EDARADD: variants seen among roughly 807,000 people sequenced by gnomAD.
EDARADD encodes the protein EDAR associated via death domain.
A neutral mutation model predicts 25.6 loss-of-function variants in EDARADD; 20 were observed. The ratio of observed to expected loss-of-function variants is 0.78; its 90% CI spans 0.55 to 1.14. EDARADD has a LOEUF of 1.14. Ranked by LOEUF, EDARADD falls within the 50% of genes most tolerant of loss-of-function variation. EDARADD has a pLI of 0.00. For missense variants in EDARADD, 225 were observed against 270.1 expected (o/e 0.83, Z 1.17); for synonymous variants, 86 against 94.4 (o/e 0.91, Z 0.52).
chr1:236,351,579 G>A (rs1300956137), intron 3 of EDARADD, among the ~76,000 whole-genome samples: 18 of 151,650 alleles, frequency 1.2e-4, no homozygotes, highest in Admixed American at 5.9e-4. Context: ...GCGTGGTGGC[G>A]CATGCCTGTA....
In EDARADD at chr1:236,482,395, T is replaced by G; in HGVS notation, c.394T>G (p.Cys132Gly). Residue 132 changes from cysteine (C) to glycine (G), a missense_variant, in exon 6 of 6, where the codon TGT (cysteine) becomes GGT (glycine). By Grantham distance (159) the Cys-to-Gly change is radical (BLOSUM62 -3). Coordinates refer to ENST00000334232, the MANE Select transcript of EDARADD (RefSeq NM_145861.4). ...LDVIRIKLDPCHPTVKNWRNF... is the reference protein window; with the variant it reads ...LDVIRIKLDPGHPTVKNWRNF... ...CGTGATCAGGATAAAGCTGGATCCG[T>G]GTCACCCAACGGTGAAAAACTGGAG... 6.2e-7 allele frequency: 1 copy of G among 1,614,160 alleles called. No homozygotes were observed. Among genetic ancestry groups the G allele is most frequent in the Admixed American group, 1.7e-5 (1 of 60,016 alleles).
chr1:236,446,117 C>T (rs1004012783), intron 4 of EDARADD, among the ~76,000 whole-genome samples: 9 of 152,162 alleles, frequency 5.9e-5, no homozygotes, highest in Non-Finnish European at 8.8e-5. Context: ...AAGAGAAGAG[C>T]GGGCCATCTT....
intron 4 of EDARADD, among the ~76,000 whole-genome samples, chr1:236,452,976 G>A (rs920105707): frequency 4.6e-5 from 7 of 152,118 alleles, no homozygotes; most frequent in East Asian, 1.9e-4. Flanking sequence ...ATGCTGCTTC[G>A]GTGAATGTCA....
Position 236,484,249 on chromosome 1 carries a change from C to A in EDARADD, c.*1600C>A. On this transcript the variant is annotated 3_prime_UTR_variant, in exon 6 of 6. Coordinates refer to ENST00000334232, the MANE Select transcript of EDARADD (RefSeq NM_145861.4). This position sits in a 1 kb window ranked among gnomAD's most constrained non-coding sequence, Gnocchi z 4.1. ...CTTCAGGCGTGCAAGCTGGCCCAGG[C>A]CAATGGTTGGTGTGTCATGGTGCCT... The A allele has an allele frequency of 2.1e-6, 2 of 973,518 alleles. No individual in the cohort carries two copies. Among genetic ancestry groups the A allele is most frequent in the Non-Finnish European group, 3.4e-6 (2 of 596,842 alleles). 60.3% of individuals were successfully genotyped at this position (973,518 alleles called of 1,614,324 possible).
chr1:236,459,560 G>A (rs1304434571), intron 4 of EDARADD, among the ~76,000 whole-genome samples: 3 of 150,974 alleles, frequency 2.0e-5, no homozygotes, highest in Non-Finnish European at 2.9e-5. Flanking sequence ...GCTGTAATCC[G>A]AGCAAAGCAC....
chr1:236,362,498 G>A (rs1192807538), intron 3 of EDARADD, among the ~76,000 whole-genome samples: 1 of 152,108 alleles, frequency 6.6e-6, no homozygotes, highest in South Asian at 2.1e-4. Context: ...CTTGTGGCTT[G>A]TCTTTCTGTT....
At chr1:236,390,327 G>A (rs145810300), upstream of EDARADD, among the ~76,000 whole-genome samples, 9,171 of 152,200 alleles carry the variant, frequency 0.06, 479 homozygotes, top group African/African-American at 0.14. Context: ...AGGCCGAGGC[G>A]GGCGGATCAC....
intron 4 of EDARADD, among the ~76,000 whole-genome samples, chr1:236,455,855 T>A (rs1054214308): frequency 6.6e-6 from 1 of 152,216 alleles, no homozygotes; most frequent in African/African-American, 2.4e-5. Flanking sequence ...AGTTGCGCGA[T>A]CTTTGCTCAC....
chr1:236,483,817 T>C lies in EDARADD; in HGVS notation c.*1168T>C, dbSNP rs1659753932. 1 of 1,437,942 alleles carries C rather than the reference T, an allele frequency of 7.0e-7. No individual in the cohort carries two copies. Among genetic ancestry groups the C allele is most frequent in the Admixed American group, 1.7e-5 (1 of 59,552 alleles). The allele number at this position is 1,437,942 out of a possible 1,614,324, so 89.1% of individuals were successfully genotyped here. ...GGAGGCGCGTTTGCTCCCAACATCCTGGAGAATAAAGAAGGCCTGGAGCTG... is the reference window on the plus strand; with the variant it reads ...GGAGGCGCGTTTGCTCCCAACATCCCGGAGAATAAAGAAGGCCTGGAGCTG... On this transcript the variant is annotated 3_prime_UTR_variant, in exon 6 of 6. Transcript: ENST00000334232.
At position 236,363,006 on chromosome 1, in the gene EDARADD, A is replaced by AAAAAAAAAAAAAT. The variant is rs1377112051; in HGVS notation, c.-6+12168_-6+12169insAAAAAAAAAAATA. On this transcript the variant is annotated intron_variant, in intron 3 of 7. Coordinates refer to the EDARADD transcript ENST00000439430. ...TTTTAAGAAAAAAAAAAAAAAAAAA[A>AAAAAAAAAAAAAT]ATATATATATATATATATATATATA... 1.9e-4 allele frequency among the ~76,000 whole-genome samples: 8 copies of AAAAAAAAAAAAAT among 42,950 alleles called. 1 individual carries two copies. Among genetic ancestry groups the AAAAAAAAAAAAAT allele is most frequent in the African/African-American group, 7.7e-4 (7 of 9,036 alleles). 28.2% of individuals were successfully genotyped at this position (42,950 alleles called of 152,430 possible). A position where few individuals can be genotyped will look rare whatever the true frequency, so the allele number is the denominator to read the frequency against.
chr1:236,447,221 T>TTTCTTTC (rs1558127469), intron 4 of EDARADD, among the ~76,000 whole-genome samples: 3 of 36,812 alleles, frequency 8.1e-5, no homozygotes, highest in African/African-American at 1.5e-4. Context: ...TCTTTCTTTC[T>TTTCTTTC]TTCCTTTCTT....
chr1:236,483,938 C>A lies in EDARADD; in HGVS notation c.*1289C>A. The A allele has an allele frequency of 1.5e-6, 2 of 1,371,922 alleles. No homozygotes were observed. The highest frequency in any genetic ancestry group is 1.7e-5 in the Admixed American group (1 of 59,458). 85.0% of individuals were successfully genotyped at this position (1,371,922 alleles called of 1,614,324 possible). A position where few individuals can be genotyped will look rare whatever the true frequency, so the allele number is the denominator to read the frequency against. On this transcript the variant is annotated 3_prime_UTR_variant, in exon 6 of 6. Coordinates refer to ENST00000334232, the MANE Select transcript of EDARADD (RefSeq NM_145861.4). Reference sequence around the variant, plus strand: ...AGTTCTTCAGGTCTGGAAAGTATGACCTGGAATTCAAGTTTCTCGACGACC... The same window carrying A: ...AGTTCTTCAGGTCTGGAAAGTATGAACTGGAATTCAAGTTTCTCGACGACC...
At chr1:236,362,484 C>G (rs1162969625) in intron 3 of EDARADD, among the ~76,000 whole-genome samples, 5 of 152,168 alleles carry the variant, frequency 3.3e-5, no homozygotes, top group Admixed American at 6.5e-5. Context: ...AAACACTTCC[C>G]CAGCTTGTGG....
At chr1:236,469,789 T>A (rs1188343684) in intron 5 of EDARADD, among the ~76,000 whole-genome samples, 1 of 152,136 alleles carries the variant, frequency 6.6e-6, no homozygotes, top group African/African-American at 2.4e-5. Flanking sequence ...TTTTTTTTCA[T>A]TCCATAGATT....
At chr1:236,451,809 C>T (rs6702302) in intron 4 of EDARADD, among the ~76,000 whole-genome samples, 11,972 of 152,176 alleles carry the variant, frequency 0.079, 915 homozygotes, top group African/African-American at 0.19. Context: ...CTCTCTCCCT[C>T]CTCCCCGGAG....
chr1:236,390,539 C>G (rs1158716211), upstream of EDARADD, among the ~76,000 whole-genome samples: 2 of 151,930 alleles, frequency 1.3e-5, no homozygotes, highest in Admixed American at 1.3e-4. Context: ...GGGGACAGAG[C>G]GAGACTCCGT....
upstream of EDARADD, among the ~76,000 whole-genome samples, chr1:236,393,918 G>A (rs1190114599): frequency 6.6e-6 from 1 of 151,930 alleles, no homozygotes; most frequent in African/African-American, 2.4e-5. Flanking sequence ...TAATGATGGG[G>A]ATCGTTGCAA....
At chr1:236,353,060 C>G (rs1462680523) in intron 3 of EDARADD, among the ~76,000 whole-genome samples, 10 of 151,894 alleles carry the variant, frequency 6.6e-5, no homozygotes, top group Non-Finnish European at 1.3e-4. Flanking sequence ...ATGGTACTAA[C>G]AGTAGTGAAT....
chr1:236,474,464 C>G (rs1281320327), intron 5 of EDARADD, among the ~76,000 whole-genome samples: 1 of 152,100 alleles, frequency 6.6e-6, no homozygotes, highest in Non-Finnish European at 1.5e-5. Flanking sequence ...GGTCAAGCAT[C>G]AAAACATGGC....
Sources: gnomAD v4.1 joint callset for allele counts (sites outside exome capture counted in the v4.1 genomes callset) on GRCh38, gnomAD v4.1.1 for gene constraint, Gnocchi (gnomAD v3.1) non-coding constraint, MANE v1.5 for transcripts, NCBI Gene and HGNC (gene_info 2026-07-23, HGNC 2026-07-21) for gene names.